The following INPP5A variants were observed in gnomAD, a reference collection of about 807,000 sequenced individuals.
INPP5A encodes 43 kDa inositol polyphosphate 5-phophatase.
A neutral mutation model predicts 65.2 loss-of-function variants in INPP5A; 14 were observed. The observed-to-expected ratio is 0.21, with a 90% CI of 0.14 to 0.34. INPP5A has a LOEUF of 0.34. INPP5A is among the 10% of genes least tolerant of loss of function. The pLI is 1.00. For synonymous variants in INPP5A, 207 were observed against 208.3 expected, an observed-to-expected ratio of 0.99 and a Z score of 0.05; for missense variants, 431 against 545.6, an observed-to-expected ratio of 0.79 and a Z score of 2.09.
rs116937843 is a variant in INPP5A at position 132,663,837 on chromosome 10, A to G, written c.306+13332A>G. ...GTGAGCTGGGCAGGGCCGCGCTCAC[A>G]TCATTCCTCTCCCCCTGTCGCCGGG... On this transcript the variant is annotated intron_variant, in intron 4 of 15. Coordinates refer to ENST00000368594, the MANE Select transcript of INPP5A (RefSeq NM_005539.5). The surrounding 1 kb of genome is among the most constrained non-coding windows in gnomAD (Gnocchi z 4.5). 0.015 allele frequency among the ~76,000 whole-genome samples: 2,258 copies of G among 152,266 alleles called. 32 individuals are homozygous for G. The highest frequency in any genetic ancestry group is 0.039 in the South Asian group (190 of 4,830).
chr10:132,716,493 C>T (rs1373825516), intron 8 of INPP5A, among the ~76,000 whole-genome samples: 4 of 152,332 alleles, frequency 2.6e-5, no homozygotes, highest in Admixed American at 2.6e-4. Context: ...CCACGGTGCT[C>T]GGTCATGGGA....
chr10:132,751,211 C>T (rs990048961), intron 11 of INPP5A, among the ~76,000 whole-genome samples: 5 of 152,242 alleles, frequency 3.3e-5, no homozygotes, highest in South Asian at 2.1e-4. Context: ...GCTCCCGTGA[C>T]GCCCACACCT....
intron 8 of INPP5A, among the ~76,000 whole-genome samples, chr10:132,726,212 A>C (rs1297725286): frequency 2.6e-5 from 4 of 152,254 alleles, no homozygotes; most frequent in Non-Finnish European, 4.4e-5. Context: ...ACACACACGT[A>C]TGCAGCCACT....
chr10:132,720,198 G>C lies in INPP5A; in HGVS notation c.648-6623G>C, dbSNP rs137980773. ...TCTGGGCACCTTAGACGGCTGTCTT[G>C]TGGGTTCTGTGGCACCTGGGTTCTG... is the stretch of plus-strand genomic sequence containing the variant. On this transcript the variant is annotated intron_variant, in intron 8 of 15. Transcript: ENST00000368594. 4.2e-3 allele frequency among the ~76,000 whole-genome samples: 607 copies of C among 145,444 alleles called. 1 individual carries two copies. The highest frequency in any genetic ancestry group is 6.6e-3 in the Non-Finnish European group (440 of 66,200).
rs190355369 is a variant in INPP5A, at chr10:132,749,728, G to A, written c.829-43G>A. On this transcript the variant is annotated intron_variant, in intron 10 of 15. Transcript: ENST00000368594. Reference sequence around the variant, plus strand: ...GTGGGGGCTAGGGGACACGCACAAGGCTGGGGGAGCTCAGGTGCTCATGGG... The same window carrying A: ...GTGGGGGCTAGGGGACACGCACAAGACTGGGGGAGCTCAGGTGCTCATGGG... The A allele has an allele frequency of 1.6e-5, 25 of 1,603,644 alleles. No homozygotes were observed. The East Asian group carries it at 4.5e-4, about 29-fold the overall frequency.
intron 8 of INPP5A, among the ~76,000 whole-genome samples, chr10:132,713,470 C>T (rs1042720916): frequency 3.9e-5 from 6 of 152,114 alleles, no homozygotes; most frequent in Admixed American, 3.3e-4. Flanking sequence ...GGGCTCTGCA[C>T]AAGGAGTCTG....
At chr10:132,654,233 G>C (rs149205100) in intron 4 of INPP5A, among the ~76,000 whole-genome samples, 2 of 152,234 alleles carry the variant, frequency 1.3e-5, no homozygotes, top group Admixed American at 6.5e-5. Context: ...CAGCTCAGTG[G>C]GCTCCAGCCC....
chr10:132,684,743 T>C (rs772980604), intron 4 of INPP5A, among the ~76,000 whole-genome samples: 43 of 152,228 alleles, frequency 2.8e-4, no homozygotes, highest in Non-Finnish European at 4.7e-4. Context: ...GCTTGGCCTC[T>C]CCGTGATGTC....
intron 2 of INPP5A, among the ~76,000 whole-genome samples, chr10:132,626,004 A>G (rs2072179438): frequency 1.3e-5 from 2 of 152,190 alleles, no homozygotes; most frequent in African/African-American, 4.8e-5. Flanking sequence ...CCGCCCCAAC[A>G]TAATGGGGAA....
chr10:132,686,745 G>A (rs1845137916), intron 4 of INPP5A, among the ~76,000 whole-genome samples: 1 of 152,294 alleles, frequency 6.6e-6, no homozygotes, highest in Non-Finnish European at 1.5e-5. Flanking sequence ...TTAAATGTTT[G>A]CAGCGACATT....
At chr10:132,562,032 G>C (rs1028053665) in intron 1 of INPP5A, among the ~76,000 whole-genome samples, 1 of 152,246 alleles carries the variant, frequency 6.6e-6, no homozygotes, top group African/African-American at 2.4e-5. Context: ...AGTTTAAGTA[G>C]GAAAGGAAGT....
At chr10:132,581,516 G>A (rs2071483283) in intron 1 of INPP5A, among the ~76,000 whole-genome samples, 1 of 152,100 alleles carries the variant, frequency 6.6e-6, no homozygotes, top group Non-Finnish European at 1.5e-5. Context: ...ACAGTGCGTG[G>A]AGGCCTTGAC....
chr10:132,627,163 C>T lies in INPP5A; in HGVS notation c.118-18705C>T, dbSNP rs967511428. On this transcript the variant is annotated intron_variant, in intron 2 of 15. Transcript: ENST00000368594. The surrounding 1 kb of genome is among the most constrained non-coding windows in gnomAD (Gnocchi z 6.6). ...GAAGGACCCTCACCAGGAACCAAAC[C>T]GGCCGGCTTCTTGGCCTCAGACTGA... Among the ~76,000 whole-genome samples, 6 of 151,836 alleles carry T rather than the reference C, an allele frequency of 4.0e-5. No homozygotes were observed. Among genetic ancestry groups the T allele is most frequent in the African/African-American group, 7.3e-5 (3 of 41,104 alleles).
intron 2 of INPP5A, among the ~76,000 whole-genome samples, chr10:132,629,058 T>C (rs1294127983): frequency 6.6e-6 from 1 of 152,232 alleles, no homozygotes; most frequent in African/African-American, 2.4e-5. Flanking sequence ...GGGAGGTGGC[T>C]GCCAGGTAGT....
At chr10:132,778,341 G>A (rs1240619164) in intron 13 of INPP5A, among the ~76,000 whole-genome samples, 4 of 117,596 alleles carry the variant, frequency 3.4e-5, no homozygotes, top group African/African-American at 1.3e-4. Flanking sequence ...TTACAAAAGA[G>A]GTGATAGGGG....
rs926960024 is a variant in INPP5A, at chr10:132,705,640, C to T, written c.475-2673C>T. Among the ~76,000 whole-genome samples the T allele has an allele frequency of 6.6e-6, 1 of 152,226 alleles. No individual in the cohort carries two copies. ...CCTAAAGCTGCTCTGAAAAATAAAG[C>T]CTATTACTTCTTTAAAAGTCTGCTT... On this transcript the variant is annotated intron_variant, in intron 6 of 15. Transcript: ENST00000368594. The surrounding 1 kb of genome is among the most constrained non-coding windows in gnomAD (Gnocchi z 4.9).
intron 4 of INPP5A, among the ~76,000 whole-genome samples, chr10:132,672,790 G>A (rs567380629): frequency 3.9e-5 from 6 of 152,240 alleles, no homozygotes; most frequent in East Asian, 1.9e-4. Flanking sequence ...TTACATGTGC[G>A]TTGGACCCCA....
At chr10:132,731,092 G>A (rs1846076628) in intron 9 of INPP5A, among the ~76,000 whole-genome samples, 2 of 152,158 alleles carry the variant, frequency 1.3e-5, no homozygotes, top group Admixed American at 6.5e-5. Flanking sequence ...CCTGGGTGGG[G>A]TCTCCACGCT....
chr10:132,559,020 C>T (rs540025128), intron 1 of INPP5A, among the ~76,000 whole-genome samples: 1 of 152,352 alleles, frequency 6.6e-6, no homozygotes, highest in African/African-American at 2.4e-5. Context: ...CGGGACAGTC[C>T]AGCCCCGTCC....
Sources: gnomAD v4.1 joint callset for allele counts (sites outside exome capture counted in the v4.1 genomes callset) on GRCh38, gnomAD v4.1.1 for gene constraint, Gnocchi (gnomAD v3.1) non-coding constraint, MANE v1.5 for transcripts, NCBI Gene and HGNC (gene_info 2026-07-23, HGNC 2026-07-21) for gene names.